The following CCSER1 variants were observed in gnomAD, a reference collection of about 807,000 sequenced individuals.
CCSER1 encodes serine-rich coiled-coil domain-containing protein 1.
In CCSER1, 41 loss-of-function variants were observed where a neutral mutation model predicts 82.0. The observed-to-expected ratio is 0.50, with a 90% CI of 0.39 to 0.65. The LOEUF (loss-of-function observed/expected upper bound fraction) is 0.65. CCSER1 is among the 30% of genes least tolerant of loss of function. The probability of loss-of-function intolerance (pLI) is 0.00; values close to 1 mark genes in which losing one functional copy is unlikely to be tolerated. For missense variants in CCSER1, 1,119 were observed against 1,064.2 expected (o/e 1.05, Z -0.72); for synonymous variants, 414 against 383.9 (o/e 1.08, Z -0.92).
chr4:90,690,676 G>C (rs532500928), intron 6 of CCSER1, among the ~76,000 whole-genome samples: 1 of 152,072 alleles, frequency 6.6e-6, no homozygotes, highest in South Asian at 2.1e-4. Flanking sequence ...TCATGCATAA[G>C]TGGTACTCCC....
chr4:90,155,347 G>A (rs981172831), intron 1 of CCSER1, among the ~76,000 whole-genome samples: 2 of 151,766 alleles, frequency 1.3e-5, no homozygotes, highest in African/African-American at 4.8e-5. Flanking sequence ...TGTCTTTTTT[G>A]GTTGTGTCTC....
intron 10 of CCSER1, among the ~76,000 whole-genome samples, chr4:91,527,943 CTCACTTTG>C (rs1163725633): frequency 6.6e-6 from 1 of 152,064 alleles, no homozygotes; most frequent in Non-Finnish European, 1.5e-5. Flanking sequence ...TTGAGACAGT[CTCACTTTG>C]TCACCCAGGC....
rs115025259 is a variant in CCSER1 at position 90,684,821 on chromosome 4, C to T, written c.1933-39093C>T. Among the ~76,000 whole-genome samples, 471 of 151,426 alleles carry T rather than the reference C, an allele frequency of 3.1e-3. 3 individuals carry two copies. The highest frequency in any genetic ancestry group is 5.7e-3 in the Non-Finnish European group (388 of 67,814). ...TCACAAGATCGATGGTTATTATAAG[C>T]GGTGGGGCGGGGGTGGACTCTTGCA... On this transcript the variant is annotated intron_variant, in intron 6 of 10. Coordinates refer to ENST00000509176, the MANE Select transcript of CCSER1 (RefSeq NM_001145065.2).
chr4:90,980,116 A>G (rs1012156942), intron 9 of CCSER1, among the ~76,000 whole-genome samples: 5 of 151,860 alleles, frequency 3.3e-5, no homozygotes, highest in African/African-American at 1.2e-4. Context: ...TAATTTCTGG[A>G]AAGGTGATAC....
chr4:90,697,643 T>A (rs1737220485), intron 6 of CCSER1, among the ~76,000 whole-genome samples: 1 of 152,174 alleles, frequency 6.6e-6, no homozygotes, highest in Admixed American at 6.6e-5. Flanking sequence ...TTTCAAAAGA[T>A]ATGACCAAGT....
intron 10 of CCSER1, among the ~76,000 whole-genome samples, chr4:91,158,107 T>C (rs542252561): frequency 4.4e-4 from 67 of 152,128 alleles, no homozygotes; most frequent in African/African-American, 1.6e-3. Flanking sequence ...AGATGAAGTT[T>C]CAGTGTTAGA....
chr4:90,996,713 C>G (rs528134984), intron 9 of CCSER1, among the ~76,000 whole-genome samples: 1 of 152,168 alleles, frequency 6.6e-6, no homozygotes, highest in South Asian at 2.1e-4. Flanking sequence ...GTTCTCCATT[C>G]TAAATTTTTT....
intron 1 of CCSER1, among the ~76,000 whole-genome samples, chr4:90,279,405 A>C (rs1366067615): frequency 6.6e-6 from 1 of 152,032 alleles, no homozygotes; most frequent in Non-Finnish European, 1.5e-5. Flanking sequence ...AGAGCTTATA[A>C]AATTTATTAT....
chr4:90,404,759 A>C (rs538325865), intron 4 of CCSER1, among the ~76,000 whole-genome samples: 1 of 152,290 alleles, frequency 6.6e-6, no homozygotes, highest in South Asian at 2.1e-4. Flanking sequence ...CTGGATGGGC[A>C]AAAACAATCA....
At position 91,468,982 on chromosome 4, in the gene CCSER1, CT is replaced by C. The variant is rs1479802710; in HGVS notation, c.2218-129588del. On this transcript the variant is annotated intron_variant, in intron 10 of 10. Transcript: ENST00000509176. ...AATTATCCAATTTCAGAAGCTTTGC[CT>C]TCCAGATCTTACAGTCCACTGCTCA... 5.9e-5 allele frequency among the ~76,000 whole-genome samples: 9 copies of C among 152,172 alleles called. No individual in the cohort carries two copies. The East Asian group carries it at 1.7e-3, about 29-fold the overall frequency.
intron 10 of CCSER1, among the ~76,000 whole-genome samples, chr4:91,213,988 A>T (rs1737040639): frequency 6.6e-6 from 1 of 152,120 alleles, no homozygotes; most frequent in Non-Finnish European, 1.5e-5. Context: ...TATAAATAAA[A>T]CCTTTCCTCT....
intron 10 of CCSER1, among the ~76,000 whole-genome samples, chr4:91,238,272 A>G (rs1315348621): frequency 6.6e-6 from 1 of 152,206 alleles, no homozygotes; most frequent in Non-Finnish European, 1.5e-5. Context: ...TGGAGGAACC[A>G]CATAGTAAGT....
At chr4:90,238,060 G>A (rs890673720) in intron 1 of CCSER1, among the ~76,000 whole-genome samples, 5 of 152,290 alleles carry the variant, frequency 3.3e-5, no homozygotes, top group Middle Eastern at 3.4e-3. Context: ...CTTGGGCTAG[G>A]TGCTGGTAAT....
intron 3 of CCSER1, among the ~76,000 whole-genome samples, chr4:90,330,498 A>AGG (rs1561041595): frequency 6.6e-5 from 10 of 151,846 alleles, no homozygotes; most frequent in Non-Finnish European, 1.3e-4. Flanking sequence ...ATAAAAGTAC[A>AGG]TAGAAAGTAT....
chr4:90,467,415 G>T (rs1377496180), intron 4 of CCSER1, among the ~76,000 whole-genome samples: 1 of 151,676 alleles, frequency 6.6e-6, no homozygotes, highest in Non-Finnish European at 1.5e-5. Flanking sequence ...GGCCTGGCTG[G>T]TGGCTCATGC....
chr4:90,968,014 T>G (rs1734736626), intron 9 of CCSER1, among the ~76,000 whole-genome samples: 1 of 152,006 alleles, frequency 6.6e-6, no homozygotes, highest in Non-Finnish European at 1.5e-5. Context: ...CGGAGAAAAC[T>G]GAAAGCGTAG....
intron 7 of CCSER1, chr4:90,780,852 A>G: frequency 6.3e-6 from 6 of 953,058 alleles, no homozygotes; most frequent in Non-Finnish European, 6.3e-6. Context: ...CTGTTCTTGC[A>G]TGGCTATAAA....
chr4:91,344,971 TATTA>T (rs1451056601), intron 10 of CCSER1, among the ~76,000 whole-genome samples: 4 of 152,168 alleles, frequency 2.6e-5, no homozygotes, highest in Admixed American at 1.3e-4. Flanking sequence ...AAGTAGAAAA[TATTA>T]ATTAACAATA....
chr4:90,777,858 T>G (rs564069473), intron 7 of CCSER1, among the ~76,000 whole-genome samples: 131 of 152,246 alleles, frequency 8.6e-4, no homozygotes, highest in African/African-American at 3.1e-3. Flanking sequence ...TGTTTACACA[T>G]CTAAAGCATT....
Sources: allele counts gnomAD v4.1 joint callset (sites outside exome capture counted in the v4.1 genomes callset), GRCh38; gene constraint gnomAD v4.1.1; transcripts MANE v1.5; gene names NCBI Gene and HGNC (gene_info 2026-07-23, HGNC 2026-07-21).